The following NDUFB2 variants were observed in gnomAD, a reference collection of about 807,000 sequenced individuals.
NDUFB2 encodes NADH:ubiquinone oxidoreductase subunit B2, also known as NADH dehydrogenase [ubiquinone] 1 beta subcomplex subunit 2, mitochondrial.
NDUFB2 carries 13 observed loss-of-function variants against 13.4 expected under a neutral mutation model. The ratio of observed to expected loss-of-function variants is 0.97; its 90% CI spans 0.63 to 1.54. The LOEUF is 1.54. Among genes scored for constraint, NDUFB2 ranks in the 40% most tolerant of loss-of-function variants. NDUFB2 has a pLI of 0.00. For missense variants in NDUFB2, 150 were observed against 139.7 expected (o/e 1.07, Z -0.37); for synonymous variants, 47 against 50.6 (o/e 0.93, Z 0.30).
In NDUFB2 at chr7:140,696,774, C is replaced by A; in HGVS notation, c.30C>A (p.Phe10Leu). 6.2e-7 allele frequency: 1 copy of A among 1,604,886 alleles called. No individual in the cohort carries two copies. Among genetic ancestry groups the A allele is most frequent in the Admixed American group, 1.7e-5 (1 of 58,862 alleles). The change falls in exon 1 of 4, where the codon TTC becomes TTA. Residue 10 changes from phenylalanine to leucine, a missense_variant. By Grantham distance (22) the Phe-to-Leu change is conservative (BLOSUM62 0). Transcript: ENST00000247866. Reference protein sequence around the residue: MSALTRLASFARVGGRLFRS... With the variant: MSALTRLASLARVGGRLFRS... Reference sequence around the variant, plus strand: ...CCGCTCTGACTCGGCTGGCGTCTTTCGCTCGCGTTGGAGGCCGCCTTTTCA... The same window carrying A: ...CCGCTCTGACTCGGCTGGCGTCTTTAGCTCGCGTTGGAGGCCGCCTTTTCA...
intron 1 of NDUFB2, chr7:140,701,989 GC>G (rs1321537609): frequency 2.9e-6 from 2 of 696,172 alleles, no homozygotes; most frequent in African/African-American, 3.5e-5. Context: ...AAGAACCACT[GC>G]CCTGTTACTG....
chr7:140,696,972 CGT>C (rs1794817631), intron 1 of NDUFB2, 130 bp downstream of exon 1: 1 of 824,456 alleles, frequency 1.2e-6, no homozygotes, highest in Non-Finnish European at 1.9e-6. Context: ...CTGTAGTCCG[CGT>C]GTCTCCTGAA....
intron 1 of NDUFB2, chr7:140,697,519 A>G: frequency 2.3e-6 from 1 of 437,012 alleles, no homozygotes; most frequent in South Asian, 2.9e-5. Context: ...GGTGCGAGGT[A>G]GGGAGCGGGT....
intron 3 of NDUFB2, chr7:140,705,469 A>G (rs1356783571): frequency 6.6e-6 from 1 of 151,252 alleles, no homozygotes; most frequent in East Asian, 1.9e-4. Flanking sequence ...TGTATGTTTT[A>G]TTTTATTTAC....
chr7:140,697,473 T>C (rs1194289436), intron 1 of NDUFB2: 1 of 694,362 alleles, frequency 1.4e-6, no homozygotes, highest in Non-Finnish European at 2.6e-6. Context: ...GCCCGCGAGG[T>C]GGCCCGAGAC....
intron 3 of NDUFB2, chr7:140,706,055 TATGTTTTATGTTATGTTATG>T (rs1416437035): frequency 6.9e-6 from 1 of 145,262 alleles, no homozygotes; most frequent in South Asian, 2.2e-4. Context: ...TATGTTATGT[TATGTTTTATGTTATGTTATG>T]TTATGTTATG....
intron 3 of NDUFB2, chr7:140,706,045 T>TATG (rs1794965504): frequency 7.0e-6 from 1 of 142,314 alleles, no homozygotes; most frequent in African/African-American, 2.7e-5. Flanking sequence ...TATGTTATGT[T>TATG]ATGTTATGTT....
Position 140,702,949 on chromosome 7 carries a change from T to G in NDUFB2, c.182T>G (p.Phe61Cys). 2 of 1,614,108 alleles carry G rather than the reference T, an allele frequency of 1.2e-6. No individual in the cohort carries two copies. Among genetic ancestry groups the G allele is most frequent in the Non-Finnish European group, 1.7e-6 (2 of 1,180,028 alleles). The change falls in exon 2 of 4, where the codon TTC becomes TGC. Residue 61 changes from phenylalanine to cysteine, a missense_variant. Phe to Cys is a radical substitution (Grantham distance 205, BLOSUM62 -2). Coordinates refer to ENST00000247866, the MANE Select transcript of NDUFB2 (RefSeq NM_004546.3). ...TCCCAGGTGTTCCAGAGCGAGTTCT[T>G]CAGCGGACTCATGTGGTTCTGGATT... ...TRSQVFQSEFFSGLMWFWILW... is the reference protein window; with the variant it reads ...TRSQVFQSEFCSGLMWFWILW...
chr7:140,705,690 A>G (rs1433106990), intron 3 of NDUFB2: 1 of 152,206 alleles, frequency 6.6e-6, no homozygotes, highest in Non-Finnish European at 1.5e-5. Context: ...CTGATCAAAG[A>G]TATATTAAGA....
At chr7:140,704,703 G>C (rs1422627254) in intron 2 of NDUFB2, among the ~76,000 whole-genome samples, 157 bp from the exon 3 acceptor site, 1 of 151,934 alleles carries the variant, frequency 6.6e-6, no homozygotes, top group Non-Finnish European at 1.5e-5. Flanking sequence ...TAAAGAACAG[G>C]TGGGCCATCG....
At chr7:140,697,052 A>ACAC in intron 1 of NDUFB2, 1 of 600,764 alleles carries the variant, frequency 1.7e-6, no homozygotes, top group South Asian at 2.0e-5. Flanking sequence ...GGCAGATGGG[A>ACAC]CACCGTGTGC....
chr7:140,704,975 C>T lies in NDUFB2; in HGVS notation c.*29+12C>T, dbSNP rs774190887. The T allele has an allele frequency of 1.5e-6, 2 of 1,358,718 alleles. No homozygotes were observed. The highest frequency in any genetic ancestry group is 5.2e-5 in the East Asian group (2 of 38,526). 84.2% of individuals were successfully genotyped at this position (1,358,718 alleles called of 1,614,324 possible). On this transcript the variant is annotated intron_variant, in intron 3 of 3. Transcript: ENST00000247866. ...CTCACTCTGTACAAGTGGGTGTGCT[C>T]CAAATTTCTTTATGTCATATTTACC...
In NDUFB2 at chr7:140,701,670, C is replaced by T. The variant is rs576629984; in HGVS notation, c.99-1196C>T. 1.1e-4 allele frequency among the ~76,000 whole-genome samples: 17 copies of T among 152,164 alleles called. No individual in the cohort carries two copies. The South Asian group carries it at 2.3e-3, about 20-fold the overall frequency. On this transcript the variant is annotated intron_variant, in intron 1 of 3. Transcript: ENST00000247866. ...ACAAAACAGCCGGGCACGTGGCTCACGCCTGTAATCCCAGCACTTTGGGAG... is the reference window on the plus strand; with the variant it reads ...ACAAAACAGCCGGGCACGTGGCTCATGCCTGTAATCCCAGCACTTTGGGAG...
Position 140,704,726 on chromosome 7 carries a change from A to G in NDUFB2, c.244-134A>G. ...AGGTGGGCCATCGAATAATTAAAGT[A>G]GAATTTGTTCCTGTGGTCAGGGGCT... On this transcript the variant is annotated intron_variant, in intron 2 of 3. Transcript: ENST00000247866. The G allele has an allele frequency of 2.1e-5, 12 of 566,060 alleles. No homozygotes were observed. In the South Asian group the frequency reaches 3.5e-4, roughly 17 times the overall value. The allele number at this position is 566,060 out of a possible 1,614,324, so 35.1% of individuals were successfully genotyped here.
intron 2 of NDUFB2, among the ~76,000 whole-genome samples, chr7:140,704,258 G>C (rs1794936377): frequency 1.3e-5 from 2 of 152,176 alleles, no homozygotes; most frequent in African/African-American, 4.8e-5. Context: ...GCATCAGGTT[G>C]CTTCATATCC....
chr7:140,704,306 G>A (rs1400454349), intron 2 of NDUFB2, among the ~76,000 whole-genome samples: 3 of 152,148 alleles, frequency 2.0e-5, no homozygotes, highest in African/African-American at 7.2e-5. Flanking sequence ...TTGTCCTTCA[G>A]TAAGGAGCTG....
intron 3 of NDUFB2, chr7:140,706,070 G>GTT (rs1794968354): frequency 6.7e-6 from 1 of 148,202 alleles, no homozygotes; most frequent in Non-Finnish European, 1.5e-5. Context: ...TTTATGTTAT[G>GTT]TTATGTTATG....
In NDUFB2 at chr7:140,702,907, TC is replaced by T. The variant is rs769050945; in HGVS notation, c.145del (p.Gln49SerfsTer2). The T allele has an allele frequency of 5.8e-5, 93 of 1,614,082 alleles. No individual in the cohort carries two copies. Among genetic ancestry groups the T allele is most frequent in the Admixed American group, 5.5e-4 (33 of 59,998 alleles). ...CACATTGAGCCCCGGTATAGACAGTTCCCCCAGCTGACCAGATCCCAGGTGT... is the reference window on the plus strand; with the variant it reads ...CACATTGAGCCCCGGTATAGACAGTTCCCCAGCTGACCAGATCCCAGGTGT... ...GVHIEPRYRQ[F>X]PQLTRSQVFQ... On this transcript the variant is annotated frameshift_variant, in exon 2 of 4. Transcript: ENST00000247866. LOFTEE classifies it high-confidence loss of function.
intron 2 of NDUFB2, among the ~76,000 whole-genome samples, 172 bp downstream of exon 2, chr7:140,703,182 TTC>T (rs1794920104): frequency 6.6e-6 from 1 of 152,170 alleles, no homozygotes; most frequent in Non-Finnish European, 1.5e-5. Context: ...ACATGTTATC[TTC>T]TCACCTTTTT....
Sources: gnomAD v4.1 joint callset for allele counts (sites outside exome capture counted in the v4.1 genomes callset) on GRCh38, gnomAD v4.1.1 for gene constraint, MANE v1.5 for transcripts, NCBI Gene and HGNC (gene_info 2026-07-23, HGNC 2026-07-21) for gene names.